Variants in TARS1 observed in about 807,000 individuals in gnomAD.
The protein encoded by TARS1 is threonine--tRNA ligase 1, cytoplasmic.
TARS1 carries 57 observed loss-of-function variants against 97.7 expected under a neutral mutation model. The observed-to-expected ratio is 0.58, with a 90% confidence interval of 0.47 to 0.73. The LOEUF (loss-of-function observed/expected upper bound fraction) is 0.73, where lower values mean the gene tolerates loss of function less well. TARS1 is among the 30% of genes least tolerant of loss of function. The pLI is 0.00. For missense variants in TARS1, 806 were observed against 888.3 expected (o/e 0.91, Z 1.18); for synonymous variants, 312 against 293.7 (o/e 1.06, Z -0.64).
intron 2 of TARS1, among the ~76,000 whole-genome samples, chr5:33,447,321 A>G (rs1355751067): frequency 6.6e-6 from 1 of 152,180 alleles, no homozygotes; most frequent in African/African-American, 2.4e-5. Context: ...ATCTTGGCTC[A>G]CTGCAACCTC....
In TARS1 at chr5:33,455,921, C is replaced by G; in HGVS notation, c.694-81C>G. ...TGAAGTATCAACATTTATATTCATA[C>G]AGTGCTACGTTTTAGCTATAGTACT... On this transcript the variant is annotated intron_variant, in intron 6 of 18. Transcript: ENST00000265112. 5.0e-6 allele frequency: 6 copies of G among 1,206,588 alleles called. No homozygotes were observed. The South Asian group carries it at 8.2e-5, about 16-fold the overall frequency. 74.7% of individuals were successfully genotyped at this position (1,206,588 alleles called of 1,614,324 possible). A position where few individuals can be genotyped will look rare whatever the true frequency, so the allele number is the denominator to read the frequency against.
intron 11 of TARS1, 154 bp downstream of exon 11, chr5:33,460,015 G>T: frequency 1.4e-5 from 9 of 627,502 alleles, no homozygotes; most frequent in Middle Eastern, 4.9e-4. Flanking sequence ...TTCTGCACCT[G>T]ATTAGATCCC....
At chr5:33,446,349 G>C (rs540578761) in intron 2 of TARS1, among the ~76,000 whole-genome samples, 5 of 152,248 alleles carry the variant, frequency 3.3e-5, no homozygotes, top group African/African-American at 1.2e-4. Flanking sequence ...GAAAATTGTT[G>C]ATTGTGAATT....
At position 33,466,968 on chromosome 5, in the gene TARS1, A is replaced by C. The variant is rs768094694; in HGVS notation, c.2006A>C (p.Gln669Pro). Residue 669 changes from glutamine to proline, a missense_variant, in exon 18 of 19, where the codon CAG becomes CCG. Coordinates refer to ENST00000265112, the MANE Select transcript of TARS1 (RefSeq NM_152295.5). Reference protein sequence around the residue: ...NKKIRNAQLAQYNFILVVGEK... With the variant: ...NKKIRNAQLAPYNFILVVGEK... ...AAGATTCGAAATGCACAGTTAGCAC[A>C]GTATAACTTCATTTTAGGTAAGAAT... 18 of 1,564,068 alleles carry C rather than the reference A, an allele frequency of 1.2e-5. No homozygotes were observed. The highest frequency in any genetic ancestry group is 1.5e-5 in the Non-Finnish European group (17 of 1,155,436).
In TARS1 at chr5:33,460,824, C is replaced by G. The variant is rs191019715; in HGVS notation, c.1251-78C>G. ...GCTAGAATCAGTGGCTTTTTGACAACCTTTCGTGTAATTAAATATAGCATT... is the reference window on the plus strand; with the variant it reads ...GCTAGAATCAGTGGCTTTTTGACAAGCTTTCGTGTAATTAAATATAGCATT... On this transcript the variant is annotated intron_variant, in intron 11 of 18. Transcript: ENST00000265112. 8.6e-5 allele frequency: 133 copies of G among 1,541,678 alleles called. No homozygotes were observed. The South Asian group carries it at 9.8e-4, about 11-fold the overall frequency.
chr5:33,451,512 T>C (rs935157838), intron 3 of TARS1, among the ~76,000 whole-genome samples: 2 of 152,028 alleles, frequency 1.3e-5, no homozygotes, highest in Non-Finnish European at 2.9e-5. Context: ...GTAGCTGGGA[T>C]TACAGGCGCC....
intron 1 of TARS1, among the ~76,000 whole-genome samples, chr5:33,442,224 G>A (rs1226625980): frequency 6.6e-6 from 1 of 151,756 alleles, no homozygotes; most frequent in African/African-American, 2.4e-5. Context: ...AACTGCATAC[G>A]GGCACATTCT....
intron 2 of TARS1, among the ~76,000 whole-genome samples, chr5:33,447,663 T>C (rs1370601632): frequency 6.6e-6 from 1 of 152,242 alleles, no homozygotes; most frequent in Admixed American, 6.5e-5. Context: ...ATTGAATAAA[T>C]GTTAAAATCT....
At chr5:33,452,308 A>G (rs944930115) in intron 3 of TARS1, 4 of 1,472,784 alleles carry the variant, frequency 2.7e-6, no homozygotes, top group African/African-American at 1.4e-5. Context: ...ATTTAGATGT[A>G]TAATCTGGCT....
intron 3 of TARS1, among the ~76,000 whole-genome samples, chr5:33,449,358 T>TATATATATATATATATATAG (rs59141272): frequency 7.3e-4 from 107 of 146,474 alleles, no homozygotes; most frequent in African/African-American, 2.7e-3. Flanking sequence ...TATATATATA[T>TATATATATATATATATATAG]CTTAAACTGG....
intron 1 of TARS1, among the ~76,000 whole-genome samples, 194 bp from the exon 2 acceptor site, chr5:33,445,130 A>G (rs1741347992): frequency 6.6e-6 from 1 of 152,190 alleles, no homozygotes; most frequent in African/African-American, 2.4e-5. Flanking sequence ...CCTACTTTTT[A>G]AAGACTTGCC....
chr5:33,461,409 T>A, intron 13 of TARS1, 114 bp downstream of exon 13: 1 of 1,423,320 alleles, frequency 7.0e-7, no homozygotes, highest in Non-Finnish European at 9.5e-7. Flanking sequence ...TTGGAAATGG[T>A]TCCTAGGTTT....
intron 2 of TARS1, 65 bp from the exon 3 acceptor site, chr5:33,448,476 C>T: frequency 7.6e-7 from 1 of 1,310,342 alleles, no homozygotes; most frequent in South Asian, 1.7e-5. Flanking sequence ...ATTTCTTTCC[C>T]ATTTCTAAAT....
chr5:33,456,559 AGTT>A lies in TARS1; in HGVS notation c.837+339_837+341del, dbSNP rs974567162. On this transcript the variant is annotated intron_variant, in intron 8 of 18. Coordinates refer to ENST00000265112, the MANE Select transcript of TARS1 (RefSeq NM_152295.5). The stretch of plus-strand genomic sequence containing the variant: ...ATATGTCTAAATTAATAATTTCCCA[AGTT>A]GTTGTTTTTAACAGAACCCAGTTTT... Among the ~76,000 whole-genome samples the A allele has an allele frequency of 4.6e-5, 7 of 152,204 alleles. 1 individual carries two copies. The highest frequency in any genetic ancestry group is 1.7e-4 in the African/African-American group (7 of 41,442).
chr5:33,467,168 GT>G lies in TARS1; in HGVS notation c.2023+196del, dbSNP rs35079782. On this transcript the variant is annotated intron_variant, in intron 18 of 18. Coordinates refer to ENST00000265112, the MANE Select transcript of TARS1 (RefSeq NM_152295.5). ...AAATAGGCTCATGCATACATACTGG[GT>G]TTTTTTTTTTTTCACTTAAATCATG... Among the ~76,000 whole-genome samples the G allele has an allele frequency of 2.2e-3, 315 of 144,318 alleles. 2 individuals are homozygous for G. The highest frequency in any genetic ancestry group is 9.9e-3 in the East Asian group (50 of 5,074). 94.7% of individuals were successfully genotyped at this position (144,318 alleles called of 152,430 possible).
intron 3 of TARS1, among the ~76,000 whole-genome samples, chr5:33,449,115 A>G (rs973615811): frequency 6.6e-6 from 1 of 152,110 alleles, no homozygotes; most frequent in Non-Finnish European, 1.5e-5. Context: ...ATAACACATG[A>G]AAAAAATGTA....
chr5:33,448,609 T>C lies in TARS1; in HGVS notation c.207T>C (p.Asp69=). 1.2e-6 allele frequency: 2 copies of C among 1,613,916 alleles called. No individual in the cohort carries two copies. Among genetic ancestry groups the C allele is most frequent in the Non-Finnish European group, 1.7e-6 (2 of 1,179,904 alleles). Residue 69 remains aspartate, a synonymous_variant, in exon 3 of 19, where the codon GAT becomes GAC. Transcript: ENST00000265112. ...EMYNILKAEH[D]SILAEKAEKD... ...ATAATATACTAAAAGCAGAACATGA[T>C]TCCATTCTGGCAGAAAAGGCAGAAA... is the stretch of plus-strand genomic sequence containing the variant.
At chr5:33,462,407 C>G (rs892676610) in intron 16 of TARS1, among the ~76,000 whole-genome samples, 1 of 152,178 alleles carries the variant, frequency 6.6e-6, no homozygotes, top group African/African-American at 2.4e-5. Flanking sequence ...ATAGTAATTA[C>G]TTTAATTCCA....
At chr5:33,458,727 G>T in intron 10 of TARS1, 63 bp downstream of exon 10, 2 of 1,320,660 alleles carry the variant, frequency 1.5e-6, no homozygotes, top group Non-Finnish European at 2.1e-6. Flanking sequence ...ATTAAATAAG[G>T]TCTACTAAAA....
Sources: gnomAD v4.1 joint callset for allele counts (sites outside exome capture counted in the v4.1 genomes callset) on GRCh38, gnomAD v4.1.1 for gene constraint, MANE v1.5 for transcripts, NCBI Gene and HGNC (gene_info 2026-07-23, HGNC 2026-07-21) for gene names.